The following STK32A variants were observed in gnomAD, a reference collection of about 807,000 sequenced individuals.
STK32A encodes the protein serine/threonine-protein kinase 32A.
STK32A carries 41 observed loss-of-function variants against 53.2 expected under a neutral mutation model. That is an observed-to-expected ratio of 0.77 (90% CI 0.60 to 1.00). The LOEUF is 1.00. Among genes scored for constraint, STK32A ranks in the 50% least tolerant of loss-of-function variants. The pLI is 0.00. For synonymous variants in STK32A, 166 were observed against 162.8 expected (o/e 1.02, Z -0.15); for missense variants, 458 against 485.8 (o/e 0.94, Z 0.54).
chr5:147,237,708 A>G (rs185393264), intron 1 of STK32A, among the ~76,000 whole-genome samples: 247 of 152,280 alleles, frequency 1.6e-3, no homozygotes, highest in Non-Finnish European at 2.9e-3. Context: ...GATTCTTGCT[A>G]AAGTCCATAA....
At chr5:147,329,603 A>T (rs1754762630) in intron 5 of STK32A, among the ~76,000 whole-genome samples, 1 of 152,218 alleles carries the variant, frequency 6.6e-6, no homozygotes, top group Non-Finnish European at 1.5e-5. Context: ...TGTTATGTGC[A>T]TATCCTGAGC....
chr5:147,276,373 G>C (rs905980340), intron 2 of STK32A, among the ~76,000 whole-genome samples: 1 of 152,050 alleles, frequency 6.6e-6, no homozygotes, highest in African/African-American at 2.4e-5. Context: ...GGCATTTCTG[G>C]TATTTTCTAT....
the STK32A span, among the ~76,000 whole-genome samples, chr5:147,396,919 AATAAAT>A: frequency 2.0e-5 from 3 of 146,992 alleles, no homozygotes; most frequent in Non-Finnish European, 4.5e-5. Context: ...CAATAAATAC[AATAAAT>A]ATAAATATGT....
At chr5:147,369,204 T>C (rs17106567) in intron 8 of STK32A, among the ~76,000 whole-genome samples, 2,445 of 152,230 alleles carry the variant, frequency 0.016, 73 homozygotes, top group Admixed American at 0.073. Flanking sequence ...AATATGGCAG[T>C]TGTTTTTAGA....
chr5:147,335,922 A>G (rs550267330), intron 5 of STK32A, among the ~76,000 whole-genome samples: 29 of 152,352 alleles, frequency 1.9e-4, no homozygotes, highest in African/African-American at 6.7e-4. Context: ...AAGAATGCGT[A>G]TTAGAAAGGC....
At chr5:147,250,325 G>A (rs900540695) in intron 2 of STK32A, among the ~76,000 whole-genome samples, 1 of 152,084 alleles carries the variant, frequency 6.6e-6, no homozygotes, top group Non-Finnish European at 1.5e-5. Context: ...AGAAAGACAC[G>A]GGTATTAATT....
chr5:147,313,554 C>T (rs891041126), intron 4 of STK32A, among the ~76,000 whole-genome samples: 2 of 152,198 alleles, frequency 1.3e-5, no homozygotes, highest in Admixed American at 1.3e-4. Flanking sequence ...CAGAAATTCA[C>T]AAGCTGATCT....
At chr5:147,280,092 C>A (rs1215457277) in intron 4 of STK32A, among the ~76,000 whole-genome samples, 2 of 152,148 alleles carry the variant, frequency 1.3e-5, no homozygotes, top group Non-Finnish European at 2.9e-5. Context: ...GGAGAAGAAG[C>A]AGCAGAAAGG....
intron 5 of STK32A, among the ~76,000 whole-genome samples, chr5:147,330,790 G>A (rs1754830461): frequency 6.6e-6 from 1 of 152,196 alleles, no homozygotes; most frequent in African/African-American, 2.4e-5. Context: ...CTGCCCACCT[G>A]TAATGACCTG....
chr5:147,317,966 C>T (rs1018022929), intron 4 of STK32A, among the ~76,000 whole-genome samples: 38 of 152,064 alleles, frequency 2.5e-4, no homozygotes, highest in Non-Finnish European at 3.5e-4. Flanking sequence ...TTTCTTACAT[C>T]TATTTGGCTT....
In STK32A at chr5:147,270,285, GCCTTGACTT is replaced by G. The variant is rs543373275; in HGVS notation, c.53-7836_53-7828del. Among the ~76,000 whole-genome samples, 699 of 152,020 alleles carry G rather than the reference GCCTTGACTT, an allele frequency of 4.6e-3. 7 individuals are homozygous for G. Among genetic ancestry groups the G allele is most frequent in the African/African-American group, 0.016 (662 of 41,478 alleles). ...AGTGGTGCGATCACAGCTTACTGCA[GCCTTGACTT>G]CCCAGGCTTAAGGGCTCATGTAATC... is the stretch of plus-strand genomic sequence containing the variant. On this transcript the variant is annotated intron_variant, in intron 2 of 12. Transcript: ENST00000397936.
At chr5:147,377,689 G>T (rs1361433262) in intron 11 of STK32A, among the ~76,000 whole-genome samples, 1 of 152,080 alleles carries the variant, frequency 6.6e-6, no homozygotes, top group Admixed American at 6.6e-5. Context: ...TGTTACTTTA[G>T]CCTGTGCTCA....
At chr5:147,290,722 C>T (rs1752560969) in intron 4 of STK32A, among the ~76,000 whole-genome samples, 1 of 152,122 alleles carries the variant, frequency 6.6e-6, no homozygotes, top group Non-Finnish European at 1.5e-5. Context: ...TGACAAGGTC[C>T]TTTCAGACTC....
intron 1 of STK32A, among the ~76,000 whole-genome samples, chr5:147,237,073 G>C (rs1004543589): frequency 7.2e-5 from 11 of 152,118 alleles, no homozygotes; most frequent in Non-Finnish European, 1.3e-4. Context: ...AGCACTTTGG[G>C]AGGCCGAGGT....
intron 4 of STK32A, among the ~76,000 whole-genome samples, chr5:147,309,090 A>G (rs1753564573): frequency 6.6e-6 from 1 of 152,150 alleles, no homozygotes; most frequent in Non-Finnish European, 1.5e-5. Context: ...GTAATGTAGT[A>G]AAGAGCGGGG....
At chr5:147,280,459 G>A (rs909866745) in intron 4 of STK32A, among the ~76,000 whole-genome samples, 1 of 151,808 alleles carries the variant, frequency 6.6e-6, no homozygotes, top group Non-Finnish European at 1.5e-5. Flanking sequence ...AAGCACGGTG[G>A]GAGTGAGACC....
chr5:147,355,277 T>C (rs1375720278), intron 7 of STK32A, among the ~76,000 whole-genome samples: 1 of 152,206 alleles, frequency 6.6e-6, no homozygotes, highest in Non-Finnish European at 1.5e-5. Flanking sequence ...CTTTTTACAA[T>C]TTATTGTCCT....
chr5:147,370,288 T>C (rs150693329), intron 8 of STK32A, among the ~76,000 whole-genome samples: 328 of 152,302 alleles, frequency 2.2e-3, no homozygotes, highest in African/African-American at 7.6e-3. Flanking sequence ...GACTTCCATT[T>C]ATTGAGGACT....
At chr5:147,348,885 T>C (rs965575801) in intron 6 of STK32A, 5 of 612,902 alleles carry the variant, frequency 8.2e-6, no homozygotes, top group Admixed American at 2.5e-5. Flanking sequence ...TAATAACCTC[T>C]TGAGAAGACT....
Sources: allele counts gnomAD v4.1 joint callset (sites outside exome capture counted in the v4.1 genomes callset), GRCh38; gene constraint gnomAD v4.1.1; transcripts MANE v1.5; gene names NCBI Gene and HGNC (gene_info 2026-07-23, HGNC 2026-07-21).